WHRN: variants seen among roughly 807,000 people sequenced by gnomAD.
WHRN encodes the protein whirlin.
A neutral mutation model predicts 68.3 loss-of-function variants in WHRN; 41 were observed. The ratio of observed to expected loss-of-function variants is 0.60; its 90% confidence interval spans 0.47 to 0.78. The LOEUF is 0.78. Among genes scored for constraint, WHRN ranks in the 30% least tolerant of loss-of-function variants. The probability of loss-of-function intolerance (pLI) is 0.00; values close to 1 mark genes in which losing one functional copy is unlikely to be tolerated. For missense variants in WHRN, 1,243 were observed against 1,244.7 expected (o/e 1.00, Z 0.02); for synonymous variants, 560 against 561.3 (o/e 1.00, Z 0.03).
intron 3 of WHRN, among the ~76,000 whole-genome samples, chr9:114,464,487 C>G (rs535082976): frequency 2.0e-5 from 3 of 152,128 alleles, no homozygotes; most frequent in African/African-American, 7.2e-5. Flanking sequence ...CGAGGCAGTT[C>G]TTGGAGCCTC....
chr9:114,486,957 GTGTATATATATATA>G (rs1248806882), intron 1 of WHRN, among the ~76,000 whole-genome samples: 2 of 2,888 alleles, frequency 6.9e-4, no homozygotes, highest in African/African-American at 8.9e-4. Flanking sequence ...GTGTGTGTGT[GTGTATATATATATA>G]TATATATATA....
At position 114,504,247 on chromosome 9, in the gene WHRN, C is replaced by T. The variant is rs1346298718; in HGVS notation, c.555G>A (p.Gly185=). 3.7e-6 allele frequency: 6 copies of T among 1,614,136 alleles called. No homozygotes were observed. The highest frequency in any genetic ancestry group is 5.1e-6 in the Non-Finnish European group (6 of 1,180,028). The part of the protein sequence containing the change: ...SLAEKEGLRV[G]DQILRVNDKS... ...TGTCGTTGACGCGCAGAATCTGGTC[C>T]CCGACCCGCAGTCCTTCCTTCTCAG... The change falls in exon 1 of 12, where the codon GGG becomes GGA. Residue 185 remains glycine, a synonymous_variant. Coordinates refer to ENST00000362057, the MANE Select transcript of WHRN (RefSeq NM_015404.4).
At chr9:114,415,492 T>A (rs1300903939) in intron 7 of WHRN, among the ~76,000 whole-genome samples, 1 of 152,128 alleles carries the variant, frequency 6.6e-6, no homozygotes, top group Non-Finnish European at 1.5e-5. Flanking sequence ...CACCAGCTCC[T>A]CAGCTGTCTC....
At chr9:114,427,641 TG>T (rs537486634) in intron 3 of WHRN, among the ~76,000 whole-genome samples, 126 of 152,292 alleles carry the variant, frequency 8.3e-4, no homozygotes, top group Middle Eastern at 3.4e-3. Flanking sequence ...GAAAAGAAGA[TG>T]GGATTACCAG....
chr9:114,452,986 C>T (rs1839467698), intron 3 of WHRN, among the ~76,000 whole-genome samples: 2 of 152,170 alleles, frequency 1.3e-5, no homozygotes, highest in Non-Finnish European at 1.5e-5. Flanking sequence ...CGAGAGCAAG[C>T]CTGACAGACT....
At chr9:114,437,775 G>T (rs1837995216) in intron 3 of WHRN, among the ~76,000 whole-genome samples, 1 of 152,178 alleles carries the variant, frequency 6.6e-6, no homozygotes. Context: ...GAGTCCTATT[G>T]TTTAAGCCAC....
intron 3 of WHRN, among the ~76,000 whole-genome samples, chr9:114,464,561 G>C (rs1013581230): frequency 6.6e-6 from 1 of 152,106 alleles, no homozygotes; most frequent in Non-Finnish European, 1.5e-5. Flanking sequence ...TCTCCCAAAG[G>C]CCCCACCTCC....
At chr9:114,484,390 C>A (rs962443287) in intron 1 of WHRN, among the ~76,000 whole-genome samples, 12 of 152,248 alleles carry the variant, frequency 7.9e-5, no homozygotes, top group Admixed American at 4.6e-4. Context: ...AGCTGTGCCA[C>A]CTCACACAAG....
At chr9:114,435,150 C>T (rs1837742831) in intron 3 of WHRN, among the ~76,000 whole-genome samples, 1 of 152,202 alleles carries the variant, frequency 6.6e-6, no homozygotes, top group Non-Finnish European at 1.5e-5. Context: ...GGGCACCGTG[C>T]AGCACTCACT....
At chr9:114,419,501 T>C (rs962093106) in intron 7 of WHRN, among the ~76,000 whole-genome samples, 3 of 152,190 alleles carry the variant, frequency 2.0e-5, no homozygotes, top group African/African-American at 7.2e-5. Context: ...TACAGGCTTT[T>C]ATAATAGGAC....
At chr9:114,415,700 G>T (rs1033812396) in intron 7 of WHRN, among the ~76,000 whole-genome samples, 5 of 152,210 alleles carry the variant, frequency 3.3e-5, no homozygotes, top group African/African-American at 1.2e-4. Flanking sequence ...AAGAGCACAG[G>T]CTCAGCCCCT....
At chr9:114,481,567 C>T (rs1842094381) in intron 1 of WHRN, among the ~76,000 whole-genome samples, 1 of 152,124 alleles carries the variant, frequency 6.6e-6, no homozygotes, top group South Asian at 2.1e-4. Context: ...CCTCCATGGC[C>T]CCTGTCTTCC....
At position 114,451,601 on chromosome 9, in the gene WHRN, C is replaced by T. The variant is rs559999537; in HGVS notation, c.963+14666G>A. On this transcript the variant is annotated intron_variant, in intron 3 of 11. Coordinates refer to ENST00000362057, the MANE Select transcript of WHRN (RefSeq NM_015404.4). ...AGGAAAACCCCAAGTGAAGACCATT[C>T]GCTCCTCCCTAATTTTCACAAAGCA... Among the ~76,000 whole-genome samples the T allele has an allele frequency of 2.4e-3, 357 of 151,560 alleles. 1 individual carries two copies. Among genetic ancestry groups the T allele is most frequent in the Non-Finnish European group, 3.9e-3 (267 of 67,880 alleles).
chr9:114,448,725 G>T (rs1053263797), intron 3 of WHRN, among the ~76,000 whole-genome samples: 1 of 152,148 alleles, frequency 6.6e-6, no homozygotes, highest in Admixed American at 6.5e-5. Flanking sequence ...AAGCACTAGG[G>T]CCTCCAGCCC....
At chr9:114,457,833 T>C (rs1326112178) in intron 3 of WHRN, among the ~76,000 whole-genome samples, 1 of 151,492 alleles carries the variant, frequency 6.6e-6, no homozygotes, top group Admixed American at 6.6e-5. Context: ...GGAGGATCGC[T>C]TGAACCCAGG....
intron 7 of WHRN, among the ~76,000 whole-genome samples, chr9:114,420,947 T>C (rs893256074): frequency 6.6e-6 from 1 of 151,888 alleles, no homozygotes; most frequent in Non-Finnish European, 1.5e-5. Flanking sequence ...ACGCTGCCTT[T>C]CCTGCTTGCA....
At chr9:114,457,151 C>T (rs187680363) in intron 3 of WHRN, among the ~76,000 whole-genome samples, 1 of 152,254 alleles carries the variant, frequency 6.6e-6, no homozygotes, top group Non-Finnish European at 1.5e-5. Flanking sequence ...TAGGCTGGGA[C>T]ACCCCAATAA....
At chr9:114,441,798 A>G (rs934471786) in intron 3 of WHRN, among the ~76,000 whole-genome samples, 1 of 152,262 alleles carries the variant, frequency 6.6e-6, no homozygotes, top group Non-Finnish European at 1.5e-5. Flanking sequence ...ATTTTGCAAA[A>G]CAACTGAATC....
intron 3 of WHRN, among the ~76,000 whole-genome samples, chr9:114,454,620 G>C (rs1839614043): frequency 6.6e-6 from 1 of 151,562 alleles, no homozygotes; most frequent in Admixed American, 6.6e-5. Flanking sequence ...TGAATAGTAT[G>C]AAGATGTTAA....
Sources: allele counts gnomAD v4.1 joint callset (sites outside exome capture counted in the v4.1 genomes callset), GRCh38; gene constraint gnomAD v4.1.1; transcripts MANE v1.5; gene names NCBI Gene and HGNC (gene_info 2026-07-23, HGNC 2026-07-21).